Variants in CAST observed in about 807,000 individuals in gnomAD.
The protein encoded by CAST is calpastatin, also known as MIR583 host.
In CAST, 76 loss-of-function variants were observed where a neutral mutation model predicts 119.6. The observed-to-expected ratio is 0.64, with a 90% confidence interval of 0.53 to 0.77. The LOEUF (loss-of-function observed/expected upper bound fraction) is 0.77, where lower values mean the gene tolerates loss of function less well. CAST is among the 30% of genes least tolerant of loss of function. The pLI is 0.00. For synonymous variants in CAST, 319 were observed against 331.6 expected, an observed-to-expected ratio of 0.96 and a Z score of 0.41; for missense variants, 953 against 946.5, an observed-to-expected ratio of 1.01 and a Z score of -0.09.
the CAST span, among the ~76,000 whole-genome samples, chr5:96,364,276 A>T: frequency 1.3e-5 from 2 of 152,054 alleles, no homozygotes; most frequent in Non-Finnish European, 2.9e-5. Flanking sequence ...TTCATCAGGG[A>T]TATTGGTCTA....
chr5:96,094,289 A>G, the CAST span, among the ~76,000 whole-genome samples: 1 of 152,208 alleles, frequency 6.6e-6, no homozygotes, highest in Non-Finnish European at 1.5e-5. Context: ...AAGATTTGGC[A>G]TTGAGAGAGT....
At chr5:96,150,398 G>A in the CAST span, among the ~76,000 whole-genome samples, 1 of 152,190 alleles carries the variant, frequency 6.6e-6, no homozygotes, top group Non-Finnish European at 1.5e-5. Context: ...AGTTGTCACT[G>A]TGCTGTAAGG....
chr5:96,170,392 G>A, the CAST span, among the ~76,000 whole-genome samples: 2 of 152,224 alleles, frequency 1.3e-5, no homozygotes, highest in Non-Finnish European at 2.9e-5. Context: ...TGGTTCAGGC[G>A]TTTGGAGTTC....
intron 1 of CAST, among the ~76,000 whole-genome samples, chr5:96,655,332 A>G (rs1748144593): frequency 6.6e-6 from 1 of 152,202 alleles, no homozygotes; most frequent in African/African-American, 2.4e-5. Context: ...CAGTAGGGAG[A>G]CCAGTGTGGC....
At chr5:96,230,929 A>G in the CAST span, among the ~76,000 whole-genome samples, 1 of 152,134 alleles carries the variant, frequency 6.6e-6, no homozygotes, top group Non-Finnish European at 1.5e-5. Context: ...GCAAATCAAA[A>G]CCACAACGAG....
chr5:96,155,534 C>T, the CAST span, among the ~76,000 whole-genome samples: 1 of 152,198 alleles, frequency 6.6e-6, no homozygotes, highest in African/African-American at 2.4e-5. Flanking sequence ...GAAACTCTTA[C>T]ATTGGTATTA....
At position 96,741,494 on chromosome 5, in the gene CAST, G is replaced by A; in HGVS notation, c.1012G>A (p.Glu338Lys). Residue 338 changes from glutamate to lysine, a missense_variant and splice_region_variant, in exon 15 of 32, where the codon GAA becomes AAA. Coordinates refer to ENST00000675179, the MANE Select transcript of CAST (RefSeq NM_001750.7). Reference protein sequence around the residue: ...TAAGKKTEKEESTEVLKAQSA... With the variant: ...TAAGKKTEKEKSTEVLKAQSA... Reference sequence around the variant, plus strand: ...TAATCTTTTGTATTTTGTTTTTCAGGAATCTACAGAAGTTTTAAAAGCTCA... The same window carrying A: ...TAATCTTTTGTATTTTGTTTTTCAGAAATCTACAGAAGTTTTAAAAGCTCA... The A allele has an allele frequency of 6.2e-7, 1 of 1,609,370 alleles. No homozygotes were observed. Among genetic ancestry groups the A allele is most frequent in the South Asian group, 1.1e-5 (1 of 90,854 alleles).
At chr5:96,431,435 A>T in the CAST span, among the ~76,000 whole-genome samples, 1 of 152,200 alleles carries the variant, frequency 6.6e-6, no homozygotes, top group Non-Finnish European at 1.5e-5. Flanking sequence ...TGAGACTTCA[A>T]GTACAACTTC....
intron 1 of CAST, among the ~76,000 whole-genome samples, chr5:96,552,573 A>C (rs758842133): frequency 3.0e-4 from 46 of 152,166 alleles, no homozygotes; most frequent in Non-Finnish European, 6.6e-4. Flanking sequence ...AAGATCAGAG[A>C]AGAACTGAAG....
chr5:96,663,099 T>A, intron 1 of CAST: 1 of 702,104 alleles, frequency 1.4e-6, no homozygotes, highest in Non-Finnish European at 2.6e-6. Flanking sequence ...CCTCGCCGGC[T>A]CCCCCGCCGT....
the CAST span, among the ~76,000 whole-genome samples, chr5:96,506,642 A>G: frequency 1.6e-5 from 2 of 128,826 alleles, no homozygotes; most frequent in African/African-American, 5.8e-5. Context: ...CAGAGTGGAG[A>G]GGCTTCTCCT....
the CAST span, among the ~76,000 whole-genome samples, chr5:96,464,593 G>A: frequency 6.6e-6 from 1 of 152,032 alleles, no homozygotes; most frequent in African/African-American, 2.4e-5. Context: ...GCCATTTGCA[G>A]CCCAAACATT....
intron 1 of CAST, among the ~76,000 whole-genome samples, chr5:96,557,621 A>G (rs999385902): frequency 3.3e-5 from 5 of 152,204 alleles, no homozygotes; most frequent in Non-Finnish European, 7.3e-5. Flanking sequence ...CCATTACATA[A>G]TGGTAAAGGG....
chr5:96,330,638 G>T, the CAST span, among the ~76,000 whole-genome samples: 3 of 152,168 alleles, frequency 2.0e-5, no homozygotes, highest in Admixed American at 6.5e-5. Flanking sequence ...GACTTCAGTC[G>T]CTCTAAAGCT....
intron 1 of CAST, chr5:96,546,258 A>C (rs2150181038): frequency 6.6e-6 from 1 of 152,322 alleles, no homozygotes; most frequent in South Asian, 2.1e-4. Context: ...AGGAGGCCAA[A>C]GTCATAACTT....
the CAST span, among the ~76,000 whole-genome samples, chr5:96,186,467 T>C: frequency 6.6e-6 from 1 of 152,216 alleles, no homozygotes; most frequent in African/African-American, 2.4e-5. Flanking sequence ...ACATTCAGTA[T>C]GATATTGGCT....
chr5:96,290,485 T>A, the CAST span, among the ~76,000 whole-genome samples: 2 of 152,148 alleles, frequency 1.3e-5, no homozygotes, highest in African/African-American at 4.8e-5. Context: ...AAACTCAGAC[T>A]CATCCACATT....
the CAST span, among the ~76,000 whole-genome samples, chr5:96,300,834 A>ATTTTTTTTTTTT: frequency 5.7e-5 from 3 of 52,462 alleles, no homozygotes; most frequent in Non-Finnish European, 7.5e-5. Flanking sequence ...ATTCCTAAGC[A>ATTTTTTTTTTTT]TTTTTTTTTT....
At chr5:96,684,840 G>T (rs1168000295) in intron 2 of CAST, among the ~76,000 whole-genome samples, 1 of 152,046 alleles carries the variant, frequency 6.6e-6, no homozygotes, top group African/African-American at 2.4e-5. Flanking sequence ...AAAGTGCTGG[G>T]ATTACAGACA....
Sources: allele counts gnomAD v4.1 joint callset (sites outside exome capture counted in the v4.1 genomes callset), GRCh38; gene constraint gnomAD v4.1.1; transcripts MANE v1.5; gene names NCBI Gene and HGNC (gene_info 2026-07-23, HGNC 2026-07-21).